Variants in CMSS1 observed in about 807,000 individuals in gnomAD.
The protein encoded by CMSS1 is cms1 ribosomal small subunit homolog.
In CMSS1, 33 loss-of-function variants were observed where a neutral mutation model predicts 43.5. That is an observed-to-expected ratio of 0.76 (90% CI 0.57 to 1.01). CMSS1 has a LOEUF of 1.01. Among genes scored for constraint, CMSS1 ranks in the 50% least tolerant of loss-of-function variants. CMSS1 has a pLI of 0.00. For synonymous variants in CMSS1, 115 were observed against 117.2 expected (o/e 0.98, Z 0.12); for missense variants, 313 against 326.4 (o/e 0.96, Z 0.32).
chr3:100,162,099 A>G (rs1201374519), intron 3 of CMSS1, among the ~76,000 whole-genome samples: 1 of 152,222 alleles, frequency 6.6e-6, no homozygotes, highest in African/African-American at 2.4e-5. Flanking sequence ...GGAGCTTTCT[A>G]GATCATTTTT....
At chr3:99,893,833 G>T (rs7636447) in intron 1 of CMSS1, among the ~76,000 whole-genome samples, 4 of 151,894 alleles carry the variant, frequency 2.6e-5, no homozygotes, top group Non-Finnish European at 5.9e-5. Flanking sequence ...ATATCTTTAG[G>T]TTTTACTTCC....
At chr3:99,862,514 C>A (rs1944313361) in intron 1 of CMSS1, among the ~76,000 whole-genome samples, 1 of 152,098 alleles carries the variant, frequency 6.6e-6, no homozygotes, top group South Asian at 2.1e-4. Context: ...TTGGTTAATT[C>A]TTTGTTGTAG....
At position 100,147,012 on chromosome 3, in the gene CMSS1, T is replaced by C. The variant is rs202153141; in HGVS notation, c.104T>C (p.Met35Thr). 1 of 1,614,000 alleles carries C rather than the reference T, an allele frequency of 6.2e-7. No homozygotes were observed. Among genetic ancestry groups the C allele is most frequent in the African/African-American group, 1.3e-5 (1 of 75,040 alleles). Reference sequence around the variant, plus strand: ...GAAGGAGAAGGAGACACAGAAGTGATGCAGCAGGAGACAGTTCCAGTTCCT... The same window carrying C: ...GAAGGAGAAGGAGACACAGAAGTGACGCAGCAGGAGACAGTTCCAGTTCCT... ...DGEGEGDTEVMQQETVPVPVP... is the reference protein window; with the variant it reads ...DGEGEGDTEVTQQETVPVPVP... Residue 35 changes from methionine to threonine, a missense_variant, in exon 2 of 10, where the codon ATG becomes ACG. Physicochemically the swap from Met to Thr is moderately conservative, Grantham distance 81 (BLOSUM62 -1). Transcript: ENST00000421999.
chr3:99,893,987 C>G (rs1706170458), intron 1 of CMSS1, among the ~76,000 whole-genome samples: 1 of 152,140 alleles, frequency 6.6e-6, no homozygotes. Flanking sequence ...TATTAAGGAC[C>G]TGCTATGTTA....
At chr3:100,113,615 C>T (rs936171747) in intron 1 of CMSS1, among the ~76,000 whole-genome samples, 2 of 152,128 alleles carry the variant, frequency 1.3e-5, no homozygotes, top group African/African-American at 4.8e-5. Context: ...TGCAATTTAA[C>T]CTATTCAGTA....
chr3:99,946,885 T>A (rs1708024196), intron 1 of CMSS1, among the ~76,000 whole-genome samples: 1 of 152,160 alleles, frequency 6.6e-6, no homozygotes, highest in Admixed American at 6.5e-5. Context: ...AGTCATTTGT[T>A]GCACAGGTGC....
At chr3:100,120,879 C>T (rs1477252585) in intron 1 of CMSS1, among the ~76,000 whole-genome samples, 2 of 152,124 alleles carry the variant, frequency 1.3e-5, no homozygotes, top group Non-Finnish European at 2.9e-5. Flanking sequence ...GACACCGAGT[C>T]AACCCAGGCA....
intron 1 of CMSS1, among the ~76,000 whole-genome samples, chr3:99,949,597 C>G (rs1172570656): frequency 6.6e-6 from 1 of 152,176 alleles, no homozygotes; most frequent in Non-Finnish European, 1.5e-5. Context: ...ACTAACATGG[C>G]TGTATTTCAA....
intron 1 of CMSS1, among the ~76,000 whole-genome samples, chr3:99,893,322 C>T (rs749705183): frequency 1.3e-5 from 2 of 151,940 alleles, no homozygotes; most frequent in Non-Finnish European, 2.9e-5. Context: ...CCTGCCACCA[C>T]GCCCGGCTAA....
At chr3:99,976,734 GT>G (rs1284332413) in intron 1 of CMSS1, among the ~76,000 whole-genome samples, 1 of 151,926 alleles carries the variant, frequency 6.6e-6, no homozygotes, top group Admixed American at 6.6e-5. Flanking sequence ...TTTTATTGTT[GT>G]TACTTACCCT....
intron 1 of CMSS1, among the ~76,000 whole-genome samples, chr3:99,872,888 G>A (rs149097007): frequency 6.6e-6 from 1 of 151,872 alleles, no homozygotes; most frequent in East Asian, 1.9e-4. Context: ...CGATGTTAGT[G>A]CAGATGAAGG....
chr3:99,858,639 T>A (rs1239969016), intron 1 of CMSS1, among the ~76,000 whole-genome samples: 2 of 152,204 alleles, frequency 1.3e-5, no homozygotes, highest in Non-Finnish European at 1.5e-5. Context: ...GACAGCTGTA[T>A]CCTCAGATCT....
chr3:100,131,966 A>G (rs1355072953), intron 1 of CMSS1, among the ~76,000 whole-genome samples: 1 of 152,240 alleles, frequency 6.6e-6, no homozygotes, highest in Non-Finnish European at 1.5e-5. Flanking sequence ...TTTAAAGATT[A>G]AATTATTTTA....
At chr3:99,895,080 G>GCCAT (rs77754507) in intron 1 of CMSS1, among the ~76,000 whole-genome samples, 3,364 of 152,238 alleles carry the variant, frequency 0.022, 234 homozygotes, top group East Asian at 0.19. Flanking sequence ...CCCTCCAGGT[G>GCCAT]CCATCCTTCG....
intron 1 of CMSS1, among the ~76,000 whole-genome samples, chr3:99,936,698 G>A (rs1707686939): frequency 6.7e-6 from 1 of 150,148 alleles, no homozygotes; most frequent in Non-Finnish European, 1.5e-5. Flanking sequence ...TAAATCACTT[G>A]CCAAAGGTCA....
At chr3:100,167,227 A>G (rs1451730792) in intron 5 of CMSS1, among the ~76,000 whole-genome samples, 2 of 152,332 alleles carry the variant, frequency 1.3e-5, no homozygotes, top group East Asian at 3.9e-4. Context: ...TCAAATTCAG[A>G]AAATGTAAAT....
At chr3:100,100,740 G>T (rs2066289305) in intron 1 of CMSS1, among the ~76,000 whole-genome samples, 1 of 152,314 alleles carries the variant, frequency 6.6e-6, no homozygotes, top group South Asian at 2.1e-4. Context: ...ATGAGAAATA[G>T]CATCACTAAG....
At chr3:99,827,491 A>C (rs793471) in intron 1 of CMSS1, among the ~76,000 whole-genome samples, 112,048 of 152,012 alleles carry the variant, frequency 0.74, 41,921 homozygotes, top group African/African-American at 0.88. Flanking sequence ...CGCACCCGGC[A>C]AATGTAACTT....
chr3:99,941,612 G>A (rs1043466332), intron 1 of CMSS1, among the ~76,000 whole-genome samples: 2 of 152,138 alleles, frequency 1.3e-5, no homozygotes, highest in Non-Finnish European at 2.9e-5. Context: ...TATAATAAGG[G>A]AGATGAAACA....
Sources: allele counts gnomAD v4.1 joint callset (sites outside exome capture counted in the v4.1 genomes callset), GRCh38; gene constraint gnomAD v4.1.1; transcripts MANE v1.5; gene names NCBI Gene and HGNC (gene_info 2026-07-23, HGNC 2026-07-21).